The following PLS3 variants were observed in gnomAD, a reference collection of about 807,000 sequenced individuals.
PLS3 encodes plastin 3.
A neutral mutation model predicts 46.5 loss-of-function variants in PLS3; 11 were observed. The ratio of observed to expected loss-of-function variants is 0.24; its 90% CI spans 0.15 to 0.39. The LOEUF (loss-of-function observed/expected upper bound fraction) is 0.39. PLS3 is among the 10% of genes least tolerant of loss of function. PLS3 has a pLI of 1.00. For synonymous variants in PLS3, 167 were observed against 162.2 expected (o/e 1.03, Z -0.22); for missense variants, 308 against 461.8 (o/e 0.67, Z 3.05).
chrX:115,563,264 C>T (rs1556629769), intron 1 of PLS3, among the ~76,000 whole-genome samples: 1 of 111,864 alleles, frequency 8.9e-6, no homozygotes, highest in Admixed American at 9.6e-5. Flanking sequence ...AATTAACCAC[C>T]AGTTATTTGT....
Position 115,649,655 on chromosome X carries a change from T to A in PLS3, c.*94T>A. 1 of 826,681 alleles carries A rather than the reference T, an allele frequency of 1.2e-6. No homozygotes were observed. The highest frequency in any genetic ancestry group is 1.7e-6 in the Non-Finnish European group (1 of 585,608). 68.1% of individuals were successfully genotyped at this position (826,681 alleles called of 1,213,427 possible). ...AAGTGCTTATGGCTTAAGGAACTCT[T>A]GGCCATTCAAAGGACTTTTCATTTT... On this transcript the variant is annotated 3_prime_UTR_variant, in exon 16 of 16. Transcript: ENST00000355899.
intron 1 of PLS3, among the ~76,000 whole-genome samples, chrX:115,594,689 CA>C (rs1556633595): frequency 2.7e-5 from 3 of 109,194 alleles, no homozygotes; most frequent in African/African-American, 1.0e-4. Flanking sequence ...CACACACACA[CA>C]CCCCACACAC....
chrX:115,594,666 T>A (rs868973988), intron 1 of PLS3, among the ~76,000 whole-genome samples: 11 of 102,916 alleles, frequency 1.1e-4, no homozygotes, highest in East Asian at 5.9e-4. Flanking sequence ...TCTCTCTCTC[T>A]CTCACACACA....
At chrX:115,591,362 G>T (rs5987935) in intron 1 of PLS3, among the ~76,000 whole-genome samples, 1,649 of 112,161 alleles carry the variant, frequency 0.015, 21 homozygotes, top group African/African-American at 0.047. Context: ...AAGCTGGAGA[G>T]CATGTATATT....
intron 2 of PLS3, chrX:115,614,508 A>G (rs897157757): frequency 9.3e-6 from 7 of 752,475 alleles, no homozygotes; most frequent in Non-Finnish European, 7.8e-6. Context: ...TGCCTCTTAT[A>G]TTTGCTGCAG....
intron 1 of PLS3, among the ~76,000 whole-genome samples, chrX:115,603,544 T>C (rs1240311400): frequency 2.7e-5 from 3 of 111,775 alleles, no homozygotes; most frequent in Non-Finnish European, 5.6e-5. Flanking sequence ...TTGCTGAGTT[T>C]AAATGGAGGA....
intron 2 of PLS3, among the ~76,000 whole-genome samples, chrX:115,616,300 A>C (rs1463762822): frequency 3.6e-5 from 4 of 112,104 alleles, no homozygotes; most frequent in Non-Finnish European, 7.5e-5. Context: ...CATTATTCTT[A>C]TTCTCATTTT....
chrX:115,626,076 G>A (rs2074707405), intron 3 of PLS3, among the ~76,000 whole-genome samples: 1 of 111,352 alleles, frequency 9.0e-6, no homozygotes, highest in African/African-American at 3.3e-5. Context: ...GGGCAGCTTT[G>A]AAAAGATTCA....
chrX:115,628,503 A>G lies in PLS3; in HGVS notation c.238-695A>G, dbSNP rs782745989. ...GTACATTCCAATACCTCAGAAAAAT[A>G]TAGACAGATAGAATGTCCAATCAGA... On this transcript the variant is annotated intron_variant, in intron 3 of 15. Transcript: ENST00000355899. Among the ~76,000 whole-genome samples, 20 of 111,977 alleles carry G rather than the reference A, an allele frequency of 1.8e-4. No homozygotes were observed. The South Asian group carries it at 5.6e-3, about 31-fold the overall frequency.
intron 2 of PLS3, among the ~76,000 whole-genome samples, chrX:115,613,430 A>C (rs1325896123): frequency 2.7e-5 from 3 of 111,940 alleles, no homozygotes; most frequent in African/African-American, 6.5e-5. Context: ...ACAAAAAAAA[A>C]CAGTGCTTTA....
chrX:115,614,619 A>G (rs782578467), intron 2 of PLS3: 12 of 607,733 alleles, frequency 2.0e-5, no homozygotes, highest in Non-Finnish European at 2.4e-5. Flanking sequence ...TTTAATGCCT[A>G]ATGAAAGCTT....
rs782815962 is a variant in PLS3, at chrX:115,600,395, G to A, written c.-8-9848G>A. On this transcript the variant is annotated intron_variant, in intron 1 of 15. Transcript: ENST00000355899. ...TCCCACTTCTGCCTCCCAAAGCACT[G>A]GGATTATAGGCATGAGCCACCACCC... Among the ~76,000 whole-genome samples, 334 of 110,497 alleles carry A rather than the reference G, an allele frequency of 3.0e-3. 1 individual carries two copies. Among genetic ancestry groups the A allele is most frequent in the Non-Finnish European group, 3.7e-3 (197 of 52,907 alleles).
At chrX:115,636,601 A>G (rs1556640272) in intron 7 of PLS3, among the ~76,000 whole-genome samples, 1 of 111,971 alleles carries the variant, frequency 8.9e-6, no homozygotes, top group Non-Finnish European at 1.9e-5. Context: ...CCATAACCTC[A>G]TTTGGTATTT....
intron 1 of PLS3, among the ~76,000 whole-genome samples, chrX:115,583,342 A>G (rs2074289828): frequency 2.7e-5 from 3 of 112,743 alleles, no homozygotes; most frequent in South Asian, 3.6e-4. Flanking sequence ...CAAACTCCCA[A>G]TGAAATGGAA....
At chrX:115,637,412 C>T (rs2074848892) in intron 8 of PLS3, among the ~76,000 whole-genome samples, 1 of 111,226 alleles carries the variant, frequency 9.0e-6, no homozygotes, top group Admixed American at 9.6e-5. Flanking sequence ...TTGTGAGTTC[C>T]TCGAGGATAG....
intron 1 of PLS3, among the ~76,000 whole-genome samples, chrX:115,590,908 G>A (rs781966342): frequency 3.2e-4 from 36 of 111,467 alleles, no homozygotes; most frequent in Non-Finnish European, 6.2e-4. Flanking sequence ...GGAGGCTGAG[G>A]CGGGCAGATC....
chrX:115,629,287 T>G lies in PLS3; in HGVS notation c.327T>G (p.Thr109=). Residue 109 remains threonine (T), a synonymous_variant, in exon 4 of 16, where the codon ACT becomes ACG. Transcript: ENST00000355899. ...AAGGTATTTGTGCTCTGGGTGGAAC[T>G]TCAGAGTTGTCCAGCGAAGGAACAC... ...RKEGICALGG[T]SELSSEGTQH... is the part of the protein sequence containing the mutation. The G allele has an allele frequency of 3.3e-6, 4 of 1,205,718 alleles. No individual in the cohort carries two copies. The highest frequency in any genetic ancestry group is 4.5e-6 in the Non-Finnish European group (4 of 891,017).
chrX:115,642,559 A>G (rs906227717), intron 9 of PLS3, among the ~76,000 whole-genome samples: 9 of 111,204 alleles, frequency 8.1e-5, no homozygotes, highest in African/African-American at 2.9e-4. Flanking sequence ...CTGCTGCATA[A>G]CACAGCCCCA....
chrX:115,598,398 C>A (rs1556634135), intron 1 of PLS3, among the ~76,000 whole-genome samples: 3 of 111,010 alleles, frequency 2.7e-5, no homozygotes, highest in Non-Finnish European at 5.7e-5. Flanking sequence ...TCTGCTTCAA[C>A]CTTTCCTAGA....
Sources: gnomAD v4.1 joint callset for allele counts (sites outside exome capture counted in the v4.1 genomes callset) on GRCh38, gnomAD v4.1.1 for gene constraint, MANE v1.5 for transcripts, NCBI Gene and HGNC (gene_info 2026-07-23, HGNC 2026-07-21) for gene names.